The following AUTS2 variants were observed in gnomAD, a reference collection of about 807,000 sequenced individuals.
AUTS2 encodes the protein activator of transcription and developmental regulator AUTS2, also known as autism susceptibility gene 2 protein.
A neutral mutation model predicts 112.4 loss-of-function variants in AUTS2; 17 were observed. That is an observed-to-expected ratio of 0.15 (90% CI 0.10 to 0.23). AUTS2 has a LOEUF of 0.23. Ranked by LOEUF, AUTS2 falls within the 10% of genes least tolerant of loss-of-function variation. The pLI is 1.00. For synonymous variants in AUTS2, 751 were observed against 702.7 expected (o/e 1.07, Z -1.09); for missense variants, 1,510 against 1,701.6 (o/e 0.89, Z 1.98).
At chr7:70,545,783 C>G (rs920614934) in intron 5 of AUTS2, among the ~76,000 whole-genome samples, 2 of 151,808 alleles carry the variant, frequency 1.3e-5, no homozygotes, top group Admixed American at 1.3e-4. Context: ...CGTTTATGTT[C>G]CCATTTTTGC....
At position 70,664,307 on chromosome 7, in the gene AUTS2, G is replaced by A. The variant is rs557481948; in HGVS notation, c.691-34262G>A. ...ATGTAATAAGTGGATTCAAAGAAAC[G>A]TATATTTAAGGTGGCCACTTGCCCC... On this transcript the variant is annotated intron_variant, in intron 5 of 18. Transcript: ENST00000342771. Among the ~76,000 whole-genome samples the A allele has an allele frequency of 5.3e-4, 80 of 152,270 alleles. 1 individual carries two copies. Among genetic ancestry groups the A allele is most frequent in the Admixed American group, 1.3e-4 (2 of 15,294 alleles).
intron 4 of AUTS2, among the ~76,000 whole-genome samples, chr7:70,167,866 T>A (rs904752536): frequency 7.9e-5 from 12 of 152,306 alleles, no homozygotes; most frequent in Non-Finnish European, 1.8e-4. Context: ...TACATGCCTC[T>A]TTTTTCTAGG....
chr7:70,524,378 T>G (rs539426999), intron 5 of AUTS2, among the ~76,000 whole-genome samples: 1 of 152,172 alleles, frequency 6.6e-6, no homozygotes, highest in Non-Finnish European at 1.5e-5. Context: ...TAGGGAGAGA[T>G]AAAATAATAA....
chr7:70,037,189 G>A lies in AUTS2; in HGVS notation c.523-80943G>A, dbSNP rs139953064. Among the ~76,000 whole-genome samples, 1,046 of 152,232 alleles carry A rather than the reference G, an allele frequency of 6.9e-3. 8 individuals are homozygous for A. Among genetic ancestry groups the A allele is most frequent in the Non-Finnish European group, 0.012 (801 of 68,012 alleles). ...CACATATGTAGAATCTAAAAAATAGGATAAAAATACAGAGAGAGAATAAAA... is the reference window on the plus strand; with the variant it reads ...CACATATGTAGAATCTAAAAAATAGAATAAAAATACAGAGAGAGAATAAAA... On this transcript the variant is annotated intron_variant, in intron 2 of 18. Coordinates refer to ENST00000342771, the MANE Select transcript of AUTS2 (RefSeq NM_015570.4).
chr7:70,532,514 C>T (rs549575368), intron 5 of AUTS2, among the ~76,000 whole-genome samples: 87 of 152,122 alleles, frequency 5.7e-4, no homozygotes, highest in African/African-American at 2.0e-3. Flanking sequence ...AGAACAGGGT[C>T]GATACCAGGG....
At chr7:69,768,552 C>T (rs2084985723) in intron 1 of AUTS2, among the ~76,000 whole-genome samples, 1 of 152,062 alleles carries the variant, frequency 6.6e-6, no homozygotes, top group African/African-American at 2.4e-5. Flanking sequence ...CAGCTCTGGA[C>T]CTATATAAGC....
At chr7:69,673,500 A>T (rs536270593) in intron 1 of AUTS2, among the ~76,000 whole-genome samples, 1 of 152,214 alleles carries the variant, frequency 6.6e-6, no homozygotes, top group Non-Finnish European at 1.5e-5. Flanking sequence ...AGGAATAATC[A>T]TGGATGTTCA....
At chr7:70,469,734 G>A (rs1797305423) in intron 5 of AUTS2, among the ~76,000 whole-genome samples, 1 of 152,158 alleles carries the variant, frequency 6.6e-6, no homozygotes, top group Non-Finnish European at 1.5e-5. Context: ...TCCACCTCCT[G>A]GGTTCAAGCG....
chr7:69,601,138 A>C (rs1368326861), intron 1 of AUTS2, among the ~76,000 whole-genome samples: 1 of 149,290 alleles, frequency 6.7e-6, no homozygotes, highest in African/African-American at 2.5e-5. Context: ...CCCACCCCCC[A>C]CACACCATGC....
intron 5 of AUTS2, chr7:70,693,970 GGCGGGGCGC>G (rs1004658442): frequency 1.1e-4 from 17 of 152,040 alleles, no homozygotes; most frequent in South Asian, 4.1e-4. Context: ...GGCGGCGAGG[GGCGGGGCGC>G]GCGGGGCGGG....
chr7:70,786,718 CTTTA>C (rs1791515690), intron 17 of AUTS2, among the ~76,000 whole-genome samples: 1 of 152,104 alleles, frequency 6.6e-6, no homozygotes, highest in Admixed American at 6.5e-5. Context: ...ACAGGTCGGT[CTTTA>C]TTTAAAACAC....
intron 1 of AUTS2, among the ~76,000 whole-genome samples, chr7:69,618,485 C>T (rs1361545428): frequency 6.6e-6 from 1 of 152,104 alleles, no homozygotes; most frequent in African/African-American, 2.4e-5. Context: ...GGAATACAGG[C>T]CAGTGTTTTC....
chr7:70,214,596 C>A (rs561704833), intron 4 of AUTS2, among the ~76,000 whole-genome samples: 2 of 152,112 alleles, frequency 1.3e-5, no homozygotes, highest in South Asian at 2.1e-4. Flanking sequence ...TGAATGTGCA[C>A]CCTGTTTGAA....
intron 1 of AUTS2, among the ~76,000 whole-genome samples, chr7:69,616,604 G>C (rs954563548): frequency 6.6e-6 from 1 of 152,142 alleles, no homozygotes; most frequent in Non-Finnish European, 1.5e-5. Context: ...GAATTTTCAG[G>C]GTCCTTTTTG....
chr7:69,762,977 A>G (rs1788259589), intron 1 of AUTS2, among the ~76,000 whole-genome samples: 1 of 152,170 alleles, frequency 6.6e-6, no homozygotes, highest in Admixed American at 6.5e-5. Context: ...TCCACCATAC[A>G]CCTTCATCAT....
intron 6 of AUTS2, among the ~76,000 whole-genome samples, chr7:70,727,279 G>A (rs1787094033): frequency 6.6e-6 from 1 of 152,170 alleles, no homozygotes; most frequent in South Asian, 2.1e-4. Flanking sequence ...TCAGATTTCT[G>A]TCATAGCAAG....
At chr7:69,731,990 A>AGTTTTTT (rs1182176404) in intron 1 of AUTS2, among the ~76,000 whole-genome samples, 1 of 152,034 alleles carries the variant, frequency 6.6e-6, no homozygotes, top group Non-Finnish European at 1.5e-5. Context: ...AATTACAAAT[A>AGTTTTTT]GTTTTTTGTT....
At chr7:69,912,570 C>T (rs1795406886) in intron 2 of AUTS2, among the ~76,000 whole-genome samples, 1 of 152,236 alleles carries the variant, frequency 6.6e-6, no homozygotes, top group Non-Finnish European at 1.5e-5. Context: ...GACAAATTGA[C>T]ATAGTACAGT....
intron 5 of AUTS2, among the ~76,000 whole-genome samples, chr7:70,531,972 CT>C (rs1800114001): frequency 6.6e-6 from 1 of 152,176 alleles, no homozygotes. Context: ...CTGTGGCCAG[CT>C]GGGGTTGGCT....
Sources: allele counts gnomAD v4.1 joint callset (sites outside exome capture counted in the v4.1 genomes callset), GRCh38; gene constraint gnomAD v4.1.1; transcripts MANE v1.5; gene names NCBI Gene and HGNC (gene_info 2026-07-23, HGNC 2026-07-21).